Variants in CNTN6 observed in about 807,000 individuals in gnomAD.
The protein encoded by CNTN6 is contactin 6, also known as contactin-6.
In CNTN6, 137 loss-of-function variants were observed where a neutral mutation model predicts 122.8. The observed-to-expected ratio is 1.12, with a 90% confidence interval of 0.97 to 1.29. The LOEUF (loss-of-function observed/expected upper bound fraction) is 1.29, where lower values mean the gene tolerates loss of function less well. Ranked by LOEUF, CNTN6 falls within the 50% of genes most tolerant of loss-of-function variation. CNTN6 has a pLI of 0.00. For synonymous variants in CNTN6, 570 were observed against 426.0 expected (o/e 1.34, Z -4.16); for missense variants, 1,634 against 1,223.4 (o/e 1.34, Z -5.01).
At chr3:1,357,385 C>G (rs1320543358) in intron 12 of CNTN6, among the ~76,000 whole-genome samples, 1 of 151,768 alleles carries the variant, frequency 6.6e-6, no homozygotes, top group Non-Finnish European at 1.5e-5. Context: ...GGTTATTCAT[C>G]TTGTTTTCTT....
In CNTN6 at chr3:1,195,319, T is replaced by C. The variant is rs1203894221; in HGVS notation, c.56-25368T>C. On this transcript the variant is annotated intron_variant, in intron 2 of 22. Transcript: ENST00000446702. ...TCCTGCCCCCTCCTCTTGGGACCTGTGAATAATAAACCATCTTTTCAATGG... is the reference window on the plus strand; with the variant it reads ...TCCTGCCCCCTCCTCTTGGGACCTGCGAATAATAAACCATCTTTTCAATGG... Among the ~76,000 whole-genome samples the C allele has an allele frequency of 3.3e-5, 5 of 152,178 alleles. No individual in the cohort carries two copies. The East Asian group carries it at 9.6e-4, about 29-fold the overall frequency.
intron 2 of CNTN6, among the ~76,000 whole-genome samples, chr3:1,148,666 G>C (rs2092774413): frequency 6.6e-6 from 1 of 152,050 alleles, no homozygotes; most frequent in Non-Finnish European, 1.5e-5. Context: ...CTTTTGCTTT[G>C]TAATAAGCCA....
intron 7 of CNTN6, among the ~76,000 whole-genome samples, chr3:1,307,465 A>C (rs1698541870): frequency 7.5e-6 from 1 of 133,730 alleles, no homozygotes; most frequent in Non-Finnish European, 1.5e-5. Flanking sequence ...AGAGAGGTCC[A>C]ATATAACCCC....
At chr3:1,209,335 A>C (rs550791066) in intron 2 of CNTN6, among the ~76,000 whole-genome samples, 8 of 152,294 alleles carry the variant, frequency 5.3e-5, no homozygotes, top group Admixed American at 2.0e-4. Context: ...CACATTAAGA[A>C]TTGTCTTCTC....
intron 4 of CNTN6, among the ~76,000 whole-genome samples, chr3:1,228,245 T>C (rs2094310725): frequency 6.6e-6 from 1 of 152,198 alleles, no homozygotes; most frequent in Admixed American, 6.5e-5. Context: ...GAAACATTTC[T>C]AAAAGTTTCA....
Position 1,300,527 on chromosome 3 carries a change from T to G in CNTN6, c.761+2536T>G, listed in dbSNP as rs905459198. Among the ~76,000 whole-genome samples the G allele has an allele frequency of 1.8e-3, 150 of 81,480 alleles. 3 individuals carry two copies. The highest frequency in any genetic ancestry group is 5.7e-3 in the African/African-American group (134 of 23,490). The allele number at this position is 81,480 out of a possible 152,430, so 53.5% of individuals were successfully genotyped here. On this transcript the variant is annotated intron_variant, in intron 7 of 22. Transcript: ENST00000446702. ...AGAAAGAGAAAGAAAGAAAGAAAGA[T>G]AAAGAAAGAGAGAGAAAGAAAGAGA...
rs1439537308 is a variant in CNTN6, at chr3:1,227,866, C to G, written c.231C>G (p.Tyr77Ter). 1.2e-6 allele frequency: 2 copies of G among 1,613,656 alleles called. No individual in the cohort carries two copies. Among genetic ancestry groups the G allele is most frequent in the African/African-American group, 2.7e-5 (2 of 74,812 alleles). ...TDIDFTMSYH[Y>*]RLDGGSLAIN... ...TTGATTTTACTATGAGTTATCACTA[C>G]AGGTTGGATGGAGGCAGTCTTGCAA... Residue 77 changes from tyrosine (Y) to a stop codon, truncating the protein, a stop_gained, in exon 4 of 23, where the codon TAC becomes TAG. Transcript: ENST00000446702. LOFTEE classifies it high-confidence loss of function.
intron 20 of CNTN6, among the ~76,000 whole-genome samples, chr3:1,395,181 C>G (rs1317860773): frequency 6.6e-6 from 1 of 152,168 alleles, no homozygotes; most frequent in African/African-American, 2.4e-5. Flanking sequence ...TATCCAACCT[C>G]TCATTTTATT....
intron 10 of CNTN6, among the ~76,000 whole-genome samples, chr3:1,327,943 C>T (rs780146634): frequency 6.6e-6 from 1 of 151,666 alleles, no homozygotes; most frequent in Non-Finnish European, 1.5e-5. Flanking sequence ...CTAAAAGAAA[C>T]AGTAATTTAT....
intron 1 of CNTN6, among the ~76,000 whole-genome samples, chr3:1,141,338 C>A (rs1354552372): frequency 2.0e-5 from 3 of 152,148 alleles, no homozygotes; most frequent in Non-Finnish European, 2.9e-5. Context: ...ACTATGAAAT[C>A]CTTTAGTATC....
At chr3:1,321,930 G>C (rs897721932) in intron 8 of CNTN6, 96 bp downstream of exon 8, 6 of 1,093,334 alleles carry the variant, frequency 5.5e-6, no homozygotes, top group Non-Finnish European at 6.5e-6. Flanking sequence ...AAAGTGTCAC[G>C]GGAGAAATAA....
intron 4 of CNTN6, among the ~76,000 whole-genome samples, chr3:1,244,111 C>G (rs1004312336): frequency 2.6e-5 from 4 of 152,030 alleles, no homozygotes; most frequent in African/African-American, 9.7e-5. Context: ...GAGCCATTGT[C>G]AAGTTTGTAC....
intron 4 of CNTN6, among the ~76,000 whole-genome samples, chr3:1,247,821 G>A (rs1047617620): frequency 1.4e-4 from 21 of 151,842 alleles, no homozygotes; most frequent in African/African-American, 4.8e-4. Flanking sequence ...CATGTATTAG[G>A]TATCTATTAA....
At chr3:1,141,669 A>G (rs1189697670) in intron 1 of CNTN6, among the ~76,000 whole-genome samples, 1 of 152,228 alleles carries the variant, frequency 6.6e-6, no homozygotes, top group Non-Finnish European at 1.5e-5. Flanking sequence ...ATTAATGCAC[A>G]TAATTCTCCA....
intron 20 of CNTN6, among the ~76,000 whole-genome samples, chr3:1,398,321 G>T (rs1029622816): frequency 6.6e-6 from 1 of 152,098 alleles, no homozygotes; most frequent in Non-Finnish European, 1.5e-5. Context: ...CAGACATAAA[G>T]GATTGACACT....
intron 2 of CNTN6, among the ~76,000 whole-genome samples, chr3:1,164,019 C>A (rs2093192864): frequency 6.6e-6 from 1 of 152,148 alleles, no homozygotes; most frequent in Non-Finnish European, 1.5e-5. Context: ...AATTTCTCTT[C>A]CCTATCCAGA....
chr3:1,377,009 T>C lies in CNTN6; in HGVS notation c.2100T>C (p.Pro700=), dbSNP rs374089773. ...SELLRTKASV[P]VVAPVNIHGG... is the part of the protein sequence containing the mutation. ...ATTTCTCTTGGTTATTTTTAGTCCC[T>C]GTTGTGGCACCAGTAAACATCCATG... Residue 700 remains proline, a synonymous_variant, in exon 17 of 23, where the codon CCT becomes CCC. Coordinates refer to ENST00000446702, the MANE Select transcript of CNTN6 (RefSeq NM_001289080.2). 1.5e-5 allele frequency: 24 copies of C among 1,594,530 alleles called. No individual in the cohort carries two copies. The highest frequency in any genetic ancestry group is 2.0e-5 in the Non-Finnish European group (23 of 1,169,108).
At chr3:1,279,841 C>T (rs1396023631) in intron 5 of CNTN6, among the ~76,000 whole-genome samples, 1 of 152,094 alleles carries the variant, frequency 6.6e-6, no homozygotes, top group Non-Finnish European at 1.5e-5. Context: ...GAAAAGAAAG[C>T]TAATTCAAAG....
In CNTN6 at chr3:1,352,394, T is replaced by C; in HGVS notation, c.1435T>C (p.Cys479Arg). The change falls in exon 12 of 23, where the codon TGC becomes CGC. Residue 479 changes from cysteine (C) to arginine (R), a missense_variant. By Grantham distance (180) the Cys-to-Arg change is radical. Transcript: ENST00000446702. ...ITRSDAGSYTCIATNQFGTAK... is the reference protein window; with the variant it reads ...ITRSDAGSYTRIATNQFGTAK... ...CAGGTCAGATGCTGGATCATATACA[T>C]GCATAGCCACAAATCAGTTTGGCAC... The C allele has an allele frequency of 6.2e-7, 1 of 1,608,542 alleles. No individual in the cohort carries two copies.
Sources: gnomAD v4.1 joint callset for allele counts (sites outside exome capture counted in the v4.1 genomes callset) on GRCh38, gnomAD v4.1.1 for gene constraint, MANE v1.5 for transcripts, NCBI Gene and HGNC (gene_info 2026-07-23, HGNC 2026-07-21) for gene names.